ANKRD26: variants seen among roughly 807,000 people sequenced by gnomAD.
ANKRD26 encodes the protein ankyrin repeat domain-containing protein 26.
ANKRD26 carries 141 observed loss-of-function variants against 208.7 expected under a neutral mutation model. The ratio of observed to expected loss-of-function variants is 0.68; its 90% CI spans 0.59 to 0.78. The LOEUF (loss-of-function observed/expected upper bound fraction) is 0.78. Ranked by LOEUF, ANKRD26 falls within the 30% of genes least tolerant of loss-of-function variation. ANKRD26 has a pLI of 0.00. For synonymous variants in ANKRD26, 636 were observed against 660.4 expected, an observed-to-expected ratio of 0.96 and a Z score of 0.57; for missense variants, 1,889 against 1,938.7, an observed-to-expected ratio of 0.97 and a Z score of 0.48.
intron 9 of ANKRD26, 53 bp downstream of exon 9, chr10:27,077,285 T>C (rs1043595295): frequency 4.2e-6 from 6 of 1,413,284 alleles, no homozygotes; most frequent in East Asian, 2.3e-5. Flanking sequence ...ATTATGAGGA[T>C]TGTTGGGGCA....
chr10:27,005,549 CAA>C lies in ANKRD26; in HGVS notation c.*39_*40del, dbSNP rs2052842640. ...TCATATATTAATATTTAATGAGAAA[CAA>C]AATGTCACATAAACAGCCCAGTAAT... is the stretch of plus-strand genomic sequence containing the variant. On this transcript the variant is annotated 3_prime_UTR_variant, in exon 34 of 34. Transcript: ENST00000376087. 1 of 1,590,330 alleles carries C rather than the reference CAA, an allele frequency of 6.3e-7. No individual in the cohort carries two copies. Among genetic ancestry groups the C allele is most frequent in the Non-Finnish European group, 8.6e-7 (1 of 1,163,012 alleles).
intron 4 of ANKRD26, among the ~76,000 whole-genome samples, chr10:27,088,660 C>A (rs560276659): frequency 2.6e-5 from 4 of 152,150 alleles, no homozygotes; most frequent in African/African-American, 9.6e-5. Context: ...ACTACTCCAG[C>A]GAAGGACAAT....
intron 32 of ANKRD26, among the ~76,000 whole-genome samples, chr10:27,008,702 G>A (rs900944400): frequency 1.3e-5 from 2 of 152,136 alleles, no homozygotes; most frequent in Non-Finnish European, 2.9e-5. Context: ...GAAACTTCCT[G>A]CATAACAAAT....
Position 27,005,354 on chromosome 10 carries a change from A to G in ANKRD26, c.*236T>C. ...TGACAACTTAGTGGTTTGGCTGTTT[A>G]AACAGCTCACATTTGGGCAGTTTGA... On this transcript the variant is annotated 3_prime_UTR_variant, in exon 34 of 34. Transcript: ENST00000376087. The G allele has an allele frequency of 8.2e-7, 1 of 1,223,656 alleles. No individual in the cohort carries two copies. The highest frequency in any genetic ancestry group is 1.0e-6 in the Non-Finnish European group (1 of 976,340). 75.8% of individuals were successfully genotyped at this position (1,223,656 alleles called of 1,614,324 possible).
chr10:27,003,792 A>G (rs964344739), downstream of ANKRD26, among the ~76,000 whole-genome samples: 1 of 152,186 alleles, frequency 6.6e-6, no homozygotes, highest in African/African-American at 2.4e-5. Context: ...CAGCTGACCT[A>G]TACTCTCCAA....
intron 12 of ANKRD26, among the ~76,000 whole-genome samples, chr10:27,062,770 C>CTTTCTTTT (rs1482604226): frequency 7.0e-6 from 1 of 142,462 alleles, no homozygotes; most frequent in African/African-American, 2.6e-5. Context: ...TTCTTTCTTT[C>CTTTCTTTT]TTTTTTTTTT....
At chr10:27,058,922 GT>G (rs35286224) in intron 15 of ANKRD26, among the ~76,000 whole-genome samples, 76,008 of 142,932 alleles carry the variant, frequency 0.53, 21,655 homozygotes, top group Non-Finnish European at 0.66. Context: ...TTGTTTTTTT[GT>G]TTTTTTTTTC....
In ANKRD26 at chr10:26,979,194, A is replaced by G. The variant is rs543742001; in HGVS notation, c.*281+1382T>C. ...GAGATCGCGCCACTGCACTCCAGCC[A>G]GGCGACAGAGCGAGACTCCATCTCA... On this transcript the variant is annotated intron_variant and NMD_transcript_variant, in intron 5 of 5. Coordinates refer to the ANKRD26 transcript ENST00000674670. Among the ~76,000 whole-genome samples, 8 of 152,226 alleles carry G rather than the reference A, an allele frequency of 5.3e-5. No homozygotes were observed. The South Asian group carries it at 6.2e-4, about 12-fold the overall frequency.
At chr10:27,094,319 TTTAA>T (rs1444094878) in intron 1 of ANKRD26, among the ~76,000 whole-genome samples, 3 of 152,180 alleles carry the variant, frequency 2.0e-5, no homozygotes, top group Non-Finnish European at 4.4e-5. Flanking sequence ...AAAACAAGTA[TTTAA>T]TTTTCTTCTG....
chr10:26,983,160 AG>A (rs1170391074), intron 3 of ANKRD26, among the ~76,000 whole-genome samples: 1 of 152,188 alleles, frequency 6.6e-6, no homozygotes, highest in Non-Finnish European at 1.5e-5. Context: ...GCTATCATTT[AG>A]GGCCTTTTGG....
At chr10:26,983,238 G>A (rs898225634) in intron 3 of ANKRD26, among the ~76,000 whole-genome samples, 1 of 152,164 alleles carries the variant, frequency 6.6e-6, no homozygotes, top group Admixed American at 6.5e-5. Flanking sequence ...TATAAAGATA[G>A]AAGCTGAGTA....
chr10:27,029,093 T>C (rs1177741410), intron 26 of ANKRD26, 148 bp from the exon 27 acceptor site: 3 of 990,382 alleles, frequency 3.0e-6, no homozygotes, highest in East Asian at 2.6e-5. Flanking sequence ...TTTTTCTAGT[T>C]GTGGTTTGTG....
chr10:27,080,763 T>A (rs1014300637), intron 6 of ANKRD26: 8 of 985,478 alleles, frequency 8.1e-6, no homozygotes, highest in Non-Finnish European at 9.6e-6. Context: ...GCTCTCTATA[T>A]CTCTGCTCCT....
the ANKRD26 span, among the ~76,000 whole-genome samples, chr10:26,959,976 T>C: frequency 4.6e-5 from 7 of 152,152 alleles, no homozygotes; most frequent in East Asian, 7.7e-4. Flanking sequence ...CTATGCAGCA[T>C]AGTGAGACCT....
chr10:27,001,009 AAAACAAACAAAC>A (rs535266067), downstream of ANKRD26, among the ~76,000 whole-genome samples: 1 of 152,156 alleles, frequency 6.6e-6, no homozygotes, highest in Non-Finnish European at 1.5e-5. Context: ...CTCTGTCTCA[AAAACAAACAAAC>A]AAACAAACAA....
At position 27,082,076 on chromosome 10, in the gene ANKRD26, G is replaced by GAAA. The variant is rs1564424246; in HGVS notation, c.740+726_740+727insTTT. ...AAAAAAAAAAAAAAAAAAAAAAAAG[G>GAAA]GAGAGAGAGAAACAAAATCATATCC... On this transcript the variant is annotated intron_variant, in intron 6 of 33. Coordinates refer to ENST00000376087, the MANE Select transcript of ANKRD26 (RefSeq NM_014915.3). 7.3e-4 allele frequency among the ~76,000 whole-genome samples: 28 copies of GAAA among 38,408 alleles called. 1 individual carries two copies. The highest frequency in any genetic ancestry group is 5.9e-3 in the East Asian group (15 of 2,564). The allele number at this position is 38,408 out of a possible 152,430, so 25.2% of individuals were successfully genotyped here. A position where few individuals can be genotyped will look rare whatever the true frequency, so the allele number is the denominator to read the frequency against.
At chr10:26,998,498 T>G (rs77477322) in intron 4 of ANKRD26, among the ~76,000 whole-genome samples, 2 of 125,642 alleles carry the variant, frequency 1.6e-5, no homozygotes, top group African/African-American at 2.7e-5. Flanking sequence ...ATCTCTTAGC[T>G]TTAGCCTCTG....
At chr10:27,045,406 G>A (rs1174122263) in intron 18 of ANKRD26, among the ~76,000 whole-genome samples, 3 of 148,454 alleles carry the variant, frequency 2.0e-5, no homozygotes, top group Non-Finnish European at 4.5e-5. Context: ...TCTGGGCAAC[G>A]GAACAAGACT....
intron 4 of ANKRD26, among the ~76,000 whole-genome samples, chr10:26,995,733 C>G (rs1295009394): frequency 6.6e-6 from 1 of 152,138 alleles, no homozygotes; most frequent in East Asian, 1.9e-4. Flanking sequence ...GGGGTGAACA[C>G]AGTTGACATT....
Sources: allele counts gnomAD v4.1 joint callset (sites outside exome capture counted in the v4.1 genomes callset), GRCh38; gene constraint gnomAD v4.1.1; transcripts MANE v1.5; gene names NCBI Gene and HGNC (gene_info 2026-07-23, HGNC 2026-07-21).